POMGNT1: variants seen among roughly 807,000 people sequenced by gnomAD.
POMGNT1 encodes protein O-linked-mannose beta-1,2-N-acetylglucosaminyltransferase 1.
In POMGNT1, 67 loss-of-function variants were observed where a neutral mutation model predicts 95.6. That is an observed-to-expected ratio of 0.70 (90% CI 0.58 to 0.86). The LOEUF is 0.86. Among genes scored for constraint, POMGNT1 ranks in the 40% least tolerant of loss-of-function variants. The probability of loss-of-function intolerance (pLI) is 0.00; values close to 1 mark genes in which losing one functional copy is unlikely to be tolerated. For synonymous variants in POMGNT1, 298 were observed against 317.9 expected (o/e 0.94, Z 0.66); for missense variants, 719 against 855.2 (o/e 0.84, Z 1.99).
chr1:46,201,831 A>G (rs1428221881), upstream of POMGNT1, among the ~76,000 whole-genome samples: 3 of 151,858 alleles, frequency 2.0e-5, no homozygotes, highest in South Asian at 2.1e-4. Context: ...CAGCAGATGA[A>G]TGTTTAAAAT....
chr1:46,203,379 C>G, upstream of POMGNT1: 1 of 1,428,166 alleles, frequency 7.0e-7, no homozygotes. Context: ...CCCCCGGGAG[C>G]CGGTCCCCGG....
intron 1 of POMGNT1, among the ~76,000 whole-genome samples, chr1:46,205,350 A>G (rs763888262): frequency 1.3e-5 from 2 of 152,158 alleles, no homozygotes; most frequent in African/African-American, 4.8e-5. Flanking sequence ...AGGGAGTTTA[A>G]TAACTGCCCA....
chr1:46,198,091 G>A (rs1470944929), intron 1 of POMGNT1: 15 of 521,644 alleles, frequency 2.9e-5, no homozygotes, highest in Non-Finnish European at 5.2e-5. Flanking sequence ...CTGAATCAAG[G>A]CTGTCCAAGG....
At chr1:46,194,429 G>T (rs748473770) in intron 8 of POMGNT1, 28 bp from the exon 9 acceptor site, 8 of 1,614,040 alleles carry the variant, frequency 5.0e-6, no homozygotes, top group Non-Finnish European at 6.8e-6. Flanking sequence ...TTGTCATGGA[G>T]GCATGGGGCC....
intron 1 of POMGNT1, among the ~76,000 whole-genome samples, chr1:46,209,265 C>G (rs774401854): frequency 1.3e-5 from 2 of 152,134 alleles, no homozygotes; most frequent in Admixed American, 6.6e-5. Flanking sequence ...CTCAGGTGAT[C>G]CATCCGCCTT....
chr1:46,195,675 A>T, intron 6 of POMGNT1, 136 bp downstream of exon 6: 2 of 822,588 alleles, frequency 2.4e-6, no homozygotes, highest in Non-Finnish European at 2.1e-6. Context: ...TACAAATGTT[A>T]AGGCTGAGAT....
upstream of POMGNT1, among the ~76,000 whole-genome samples, chr1:46,200,373 G>T (rs944810509): frequency 3.9e-5 from 6 of 152,000 alleles, no homozygotes; most frequent in African/African-American, 1.5e-4. Context: ...ATCTTCACAG[G>T]CCCCTCTAAC....
Position 46,189,453 on chromosome 1 carries a change from C to A in POMGNT1, c.1895+5G>T. The A allele has an allele frequency of 1.2e-6, 2 of 1,613,624 alleles. No individual in the cohort carries two copies. The highest frequency in any genetic ancestry group is 1.7e-6 in the Non-Finnish European group (2 of 1,179,766). ...TGTTTCCCAGGGCAGAAAAGGGTCA[C>A]TCACGAGTAGGGGGAAGCCGGGACC... is the stretch of plus-strand genomic sequence containing the variant. On this transcript the variant is annotated splice_donor_5th_base_variant and intron_variant, in intron 21 of 21. Transcript: ENST00000371984.
chr1:46,208,704 G>T (rs549034893), intron 1 of POMGNT1, among the ~76,000 whole-genome samples: 1 of 152,080 alleles, frequency 6.6e-6, no homozygotes, highest in East Asian at 1.9e-4. Flanking sequence ...TTAGCTGGAC[G>T]TGGTGGTGCA....
intron 1 of POMGNT1, among the ~76,000 whole-genome samples, chr1:46,212,327 C>T (rs1658922891): frequency 6.6e-6 from 1 of 150,734 alleles, no homozygotes; most frequent in Non-Finnish European, 1.5e-5. Flanking sequence ...GTCATCCAGG[C>T]TGGAGTGCAG....
intron 19 of POMGNT1, 108 bp from the exon 20 acceptor site, chr1:46,190,097 CTTTTTTT>C (rs946195454): frequency 1.9e-5 from 15 of 807,400 alleles, no homozygotes; most frequent in Admixed American, 9.8e-5. Context: ...CCTTGAAGTT[CTTTTTTT>C]TTTTTTTTTT....
In POMGNT1 at chr1:46,196,595, G is replaced by A. The variant is rs985833179; in HGVS notation, c.354+136C>T. The A allele has an allele frequency of 1.3e-6, 2 of 1,535,146 alleles. No individual in the cohort carries two copies. Among genetic ancestry groups the A allele is most frequent in the Admixed American group, 1.9e-5 (1 of 53,662 alleles). On this transcript the variant is annotated intron_variant, in intron 4 of 21. Coordinates refer to ENST00000371984, the MANE Select transcript of POMGNT1 (RefSeq NM_017739.4). The surrounding 1 kb of genome is among the most constrained non-coding windows in gnomAD (Gnocchi z 4.4). The stretch of plus-strand genomic sequence containing the variant: ...ATCATTAGTCCCAGTCTATAGATAA[G>A]GAATCGAGGACTCCAAAGTCACACA...
In POMGNT1 at chr1:46,195,901, C is replaced by T. The variant is rs142016718; in HGVS notation, c.444G>A (p.Val148=). The T allele has an allele frequency of 8.1e-6, 13 of 1,613,876 alleles. No individual in the cohort carries two copies. The highest frequency in any genetic ancestry group is 3.3e-5 in the Admixed American group (2 of 59,978). The change falls in exon 6 of 22, where the codon GTG becomes GTA. Residue 148 remains valine, a synonymous_variant. Coordinates refer to ENST00000371984, the MANE Select transcript of POMGNT1 (RefSeq NM_017739.4). Reference sequence around the variant, plus strand: ...CCTCATGAGGTGAGTACGTGTCAAACACACGTTTTGCCATCACGTGGCCCT... The same window carrying T: ...CCTCATGAGGTGAGTACGTGTCAAATACACGTTTTGCCATCACGTGGCCCT... ...QATGHVMAKR[V]FDTYSPHEDE...
intron 1 of POMGNT1, among the ~76,000 whole-genome samples, chr1:46,213,478 A>G (rs951033536): frequency 2.0e-5 from 3 of 151,848 alleles, no homozygotes; most frequent in African/African-American, 4.8e-5. Context: ...TACGTGACAA[A>G]TGACTTTATA....
chr1:46,193,709 TG>T, intron 10 of POMGNT1, 70 bp from the exon 11 acceptor site: 1 of 1,609,166 alleles, frequency 6.2e-7, no homozygotes, highest in Non-Finnish European at 8.5e-7. Flanking sequence ...TGTTTACAGC[TG>T]GGCCCAGAGT....
chr1:46,218,662 G>T (rs550239170), intron 1 of POMGNT1, among the ~76,000 whole-genome samples: 28 of 152,320 alleles, frequency 1.8e-4, no homozygotes, highest in African/African-American at 6.7e-4. Flanking sequence ...GACAGGTTCA[G>T]ACTTGTGCTT....
rs139624921 is a variant in POMGNT1, at chr1:46,196,899, C to G, written c.236-50G>C. The G allele has an allele frequency of 1.8e-4, 284 of 1,614,180 alleles. No homozygotes were observed. In the African/African-American group the frequency reaches 3.3e-3, roughly 19 times the overall value. On this transcript the variant is annotated intron_variant, in intron 3 of 21. Transcript: ENST00000371984. This position sits in a 1 kb window ranked among gnomAD's most constrained non-coding sequence, Gnocchi z 4.4. ...GATAGTCTCCTCAGCAGAGTCTCAC[C>G]GCTTAGGGTCTGCCTGCCACTCCAG... is the stretch of plus-strand genomic sequence containing the variant.
At chr1:46,195,045 T>C in intron 6 of POMGNT1, 84 bp from the exon 7 acceptor site, 2 of 1,221,354 alleles carry the variant, frequency 1.6e-6, no homozygotes, top group Non-Finnish European at 2.4e-6. Flanking sequence ...TGTAGCAACC[T>C]TTTACTTAAA....
intron 1 of POMGNT1, among the ~76,000 whole-genome samples, chr1:46,205,750 A>G (rs1252394903): frequency 6.6e-6 from 1 of 151,898 alleles, no homozygotes; most frequent in Non-Finnish European, 1.5e-5. Flanking sequence ...TCCCCATCCT[A>G]TTTTTTCTCC....
Sources: allele counts gnomAD v4.1 joint callset (sites outside exome capture counted in the v4.1 genomes callset), GRCh38; gene constraint gnomAD v4.1.1; non-coding constraint Gnocchi (gnomAD v3.1); transcripts MANE v1.5; gene names NCBI Gene and HGNC (gene_info 2026-07-23, HGNC 2026-07-21).